GRIN2A: variants seen among roughly 807,000 people sequenced by gnomAD.
GRIN2A encodes glutamate receptor ionotropic, NMDA 2A.
In GRIN2A, 22 loss-of-function variants were observed where a neutral mutation model predicts 113.4. That is an observed-to-expected ratio of 0.19 (90% CI 0.14 to 0.28). The LOEUF is 0.28. GRIN2A is among the 10% of genes least tolerant of loss of function. The pLI is 1.00. For missense variants in GRIN2A, 1,502 were observed against 1,887.0 expected (o/e 0.80, Z 3.78); for synonymous variants, 827 against 738.4 (o/e 1.12, Z -1.94).
chr16:9,877,803 CTT>C (rs2043400620), intron 4 of GRIN2A, among the ~76,000 whole-genome samples: 1 of 110,132 alleles, frequency 9.1e-6, no homozygotes. Context: ...CCCCCTTACT[CTT>C]TCCCTCTCCC....
intron 5 of GRIN2A, 129 bp downstream of exon 5, chr16:9,849,627 T>G: frequency 1.3e-6 from 1 of 769,742 alleles, no homozygotes; most frequent in East Asian, 2.6e-5. Context: ...ATTATTGTAT[T>G]ATACCTACTA....
intron 2 of GRIN2A, among the ~76,000 whole-genome samples, chr16:10,013,786 T>G (rs1175102059): frequency 6.6e-6 from 1 of 152,184 alleles, no homozygotes; most frequent in Non-Finnish European, 1.5e-5. Context: ...GGCAAAGAGA[T>G]TTTCTTTGGT....
At chr16:10,046,834 G>T (rs60771888) in intron 2 of GRIN2A, among the ~76,000 whole-genome samples, 1 of 152,134 alleles carries the variant, frequency 6.6e-6, no homozygotes, top group South Asian at 2.1e-4. Context: ...AGGGTGGCAC[G>T]TCTACATATT....
chr16:9,941,993 A>C (rs2044891393), intron 2 of GRIN2A, among the ~76,000 whole-genome samples: 1 of 152,152 alleles, frequency 6.6e-6, no homozygotes, highest in Non-Finnish European at 1.5e-5. Context: ...GTTGCCAATA[A>C]TGGTGCTTCC....
At chr16:10,121,139 A>G (rs768744567) in intron 2 of GRIN2A, among the ~76,000 whole-genome samples, 6 of 152,086 alleles carry the variant, frequency 3.9e-5, no homozygotes, top group Non-Finnish European at 7.4e-5. Context: ...GGGCAACCAC[A>G]AAGATTGGCA....
At chr16:10,057,925 A>C (rs569318462) in intron 2 of GRIN2A, among the ~76,000 whole-genome samples, 1 of 152,342 alleles carries the variant, frequency 6.6e-6, no homozygotes, top group Admixed American at 6.5e-5. Flanking sequence ...TGAAGCCTTC[A>C]AATTCCTTCT....
chr16:9,836,616 C>G (rs545201452), intron 7 of GRIN2A, among the ~76,000 whole-genome samples: 14 of 152,254 alleles, frequency 9.2e-5, no homozygotes, highest in South Asian at 4.1e-4. Flanking sequence ...GAGCACAGCA[C>G]GGATCAAAGG....
chr16:9,778,577 A>G (rs1474895904), intron 11 of GRIN2A, among the ~76,000 whole-genome samples: 1 of 152,244 alleles, frequency 6.6e-6, no homozygotes, highest in East Asian at 1.9e-4. Context: ...TGCTGTTTTG[A>G]GAGCCACTGG....
rs35715098 is a variant in GRIN2A at position 9,860,445 on chromosome 16, C to CAAAAAAAAAA, written c.1123-10494_1123-10485dup. On this transcript the variant is annotated intron_variant, in intron 4 of 12. Transcript: ENST00000330684. ...CCTGGGTGACAGAGCAAGAGTCTCT[C>CAAAAAAAAAA]AAAAAAAAAAAAAAAAAAAAAAAAA... Among the ~76,000 whole-genome samples the CAAAAAAAAAA allele has an allele frequency of 7.1e-4, 41 of 57,952 alleles. 1 individual carries two copies. Among genetic ancestry groups the CAAAAAAAAAA allele is most frequent in the African/African-American group, 2.1e-3 (34 of 16,360 alleles). 38.0% of individuals were successfully genotyped at this position (57,952 alleles called of 152,430 possible).
At chr16:10,054,980 G>A (rs1461525038) in intron 2 of GRIN2A, among the ~76,000 whole-genome samples, 7 of 142,602 alleles carry the variant, frequency 4.9e-5, no homozygotes, top group African/African-American at 7.8e-5. Context: ...CCCAGGAGGC[G>A]GAGGTTGCAG....
intron 2 of GRIN2A, among the ~76,000 whole-genome samples, chr16:10,050,100 A>T (rs972666034): frequency 6.6e-6 from 1 of 152,192 alleles, no homozygotes; most frequent in African/African-American, 2.4e-5. Flanking sequence ...GAGGATCTTG[A>T]TATGGGGAGA....
chr16:9,824,496 AG>A (rs1363972030), intron 9 of GRIN2A, among the ~76,000 whole-genome samples: 1 of 152,178 alleles, frequency 6.6e-6, no homozygotes, highest in Non-Finnish European at 1.5e-5. Flanking sequence ...GGAGCTGCAT[AG>A]GTCTTTAAAA....
intron 2 of GRIN2A, among the ~76,000 whole-genome samples, chr16:9,989,092 T>G (rs1480614097): frequency 1.3e-5 from 2 of 152,110 alleles, no homozygotes; most frequent in African/African-American, 4.8e-5. Context: ...GGCAAGGCAA[T>G]CCTAAGCAAA....
chr16:10,169,968 A>G (rs148328304), intron 2 of GRIN2A, among the ~76,000 whole-genome samples: 4 of 152,310 alleles, frequency 2.6e-5, no homozygotes, highest in African/African-American at 9.6e-5. Flanking sequence ...AAAATAAACA[A>G]ACAAACAAAT....
rs1319267952 is a variant in GRIN2A, at chr16:9,753,472, T to A, written c.*9677A>T. 1 of 201,318 alleles carries A rather than the reference T, an allele frequency of 5.0e-6. No individual in the cohort carries two copies. The highest frequency in any genetic ancestry group is 2.3e-5 in the African/African-American group (1 of 43,528). The allele number at this position is 201,318 out of a possible 1,614,324, so 12.5% of individuals were successfully genotyped here. ...AAAATGAAATTTTCCTGTATTTACA[T>A]TTTTACACCATATGACCGGGCACTT... is the stretch of plus-strand genomic sequence containing the variant. On this transcript the variant is annotated 3_prime_UTR_variant, in exon 13 of 13. Coordinates refer to ENST00000330684, the MANE Select transcript of GRIN2A (RefSeq NM_001134407.3).
At chr16:9,967,230 T>C (rs889024733) in intron 2 of GRIN2A, among the ~76,000 whole-genome samples, 5 of 152,182 alleles carry the variant, frequency 3.3e-5, no homozygotes, top group African/African-American at 1.2e-4. Context: ...CAAGAAAATG[T>C]GGTAGATATA....
At chr16:10,093,051 G>T (rs754449449) in intron 2 of GRIN2A, among the ~76,000 whole-genome samples, 1 of 152,000 alleles carries the variant, frequency 6.6e-6, no homozygotes, top group Non-Finnish European at 1.5e-5. Context: ...TGTTGGCCAG[G>T]CTGGCCTCAA....
chr16:9,984,788 G>A (rs1399998239), intron 2 of GRIN2A, among the ~76,000 whole-genome samples: 19 of 152,066 alleles, frequency 1.2e-4, no homozygotes, highest in Non-Finnish European at 4.4e-5. Context: ...TAGAATTCAT[G>A]GGGGCATCCT....
intron 2 of GRIN2A, among the ~76,000 whole-genome samples, chr16:9,950,616 C>T (rs1014702123): frequency 5.9e-5 from 9 of 152,196 alleles, no homozygotes; most frequent in South Asian, 2.1e-4. Context: ...AAGCAGATAG[C>T]AAACAGGACA....
Sources: gnomAD v4.1 joint callset for allele counts (sites outside exome capture counted in the v4.1 genomes callset) on GRCh38, gnomAD v4.1.1 for gene constraint, MANE v1.5 for transcripts, NCBI Gene and HGNC (gene_info 2026-07-23, HGNC 2026-07-21) for gene names.